CLSPN: variants seen among roughly 807,000 people sequenced by gnomAD.
The protein encoded by CLSPN is claspin homolog.
Under a neutral mutation model 156.3 loss-of-function variants are expected in CLSPN, and 85 were observed. The observed-to-expected ratio is 0.54, with a 90% confidence interval of 0.46 to 0.65. The LOEUF (loss-of-function observed/expected upper bound fraction) is 0.65. Among genes scored for constraint, CLSPN ranks in the 30% least tolerant of loss-of-function variants. The pLI is 0.00. For missense variants in CLSPN, 1,407 were observed against 1,554.9 expected (o/e 0.90, Z 1.60); for synonymous variants, 534 against 542.4 (o/e 0.98, Z 0.22).
Position 35,733,532 on chromosome 1 carries a change from T to G in CLSPN, c.*2964A>C. ...GTAGGGAAACAAGAGGGAAGAAATA[T>G]CTAGCCTTCCTGCTCAGTTCTCTTT... On this transcript the variant is annotated 3_prime_UTR_variant, in exon 25 of 25. Coordinates refer to ENST00000318121, the MANE Select transcript of CLSPN (RefSeq NM_022111.4). 2 of 985,366 alleles carry G rather than the reference T, an allele frequency of 2.0e-6. No individual in the cohort carries two copies. The highest frequency in any genetic ancestry group is 2.4e-6 in the Non-Finnish European group (2 of 829,902). The allele number at this position is 985,366 out of a possible 1,614,324, so 61.0% of individuals were successfully genotyped here. A position where few individuals can be genotyped will look rare whatever the true frequency, so the allele number is the denominator to read the frequency against.
intron 5 of CLSPN, 24 bp downstream of exon 5, chr1:35,762,380 C>G: frequency 6.4e-7 from 1 of 1,567,548 alleles, no homozygotes; most frequent in Non-Finnish European, 8.8e-7. Context: ...ATCAGTGTGA[C>G]TAATATACAG....
Position 35,748,544 on chromosome 1 carries a change from A to G in CLSPN, c.2333T>C (p.Leu778Pro), listed in dbSNP as rs368801026. 4 of 1,614,232 alleles carry G rather than the reference A, an allele frequency of 2.5e-6. No individual in the cohort carries two copies. The African/African-American group carries it at 4.0e-5, about 16-fold the overall frequency. Residue 778 changes from leucine to proline, a missense_variant, in exon 13 of 25, where the codon CTG (leucine) becomes CCG (proline). Physicochemically the swap from Leu to Pro is moderately conservative, Grantham distance 98. Transcript: ENST00000318121. The stretch of plus-strand genomic sequence containing the variant: ...ATAGGATGGAATCGTGGAGCCAATC[A>G]GCTCAAAGCTGCTATTGTGGCTGCT... The part of the protein sequence containing the change: ...KESSHNSSFE[L>P]IGSTIPSYQP...
chr1:35,723,819 C>T (rs1034150725), intron 24 of CLSPN, among the ~76,000 whole-genome samples: 1 of 152,062 alleles, frequency 6.6e-6, no homozygotes, highest in Non-Finnish European at 1.5e-5. Context: ...GGTGAAACCC[C>T]GTCTCTACTA....
Position 35,761,020 on chromosome 1 carries a change from C to A in CLSPN, c.1004+76G>T, listed in dbSNP as rs913972804. 7 of 1,423,926 alleles carry A rather than the reference C, an allele frequency of 4.9e-6. No homozygotes were observed. The African/African-American group carries it at 5.7e-5, about 12-fold the overall frequency. The allele number at this position is 1,423,926 out of a possible 1,614,324, so 88.2% of individuals were successfully genotyped here. A position where few individuals can be genotyped will look rare whatever the true frequency, so the allele number is the denominator to read the frequency against. ...AATCAGTTTTAAGGGAGTGAGAAAT[C>A]TGAACTTTTTATGCCAGATGTTTGC... On this transcript the variant is annotated intron_variant, in intron 7 of 24. Coordinates refer to ENST00000318121, the MANE Select transcript of CLSPN (RefSeq NM_022111.4).
At chr1:35,742,849 C>T (rs149540749) in intron 18 of CLSPN, among the ~76,000 whole-genome samples, 72 of 151,206 alleles carry the variant, frequency 4.8e-4, no homozygotes, top group African/African-American at 1.7e-3. Context: ...TGGGTGCAAG[C>T]GATTCTCCCT....
At chr1:35,739,059 A>T in intron 20 of CLSPN, 77 bp downstream of exon 20, 1 of 1,561,982 alleles carries the variant, frequency 6.4e-7, no homozygotes, top group South Asian at 1.1e-5. Context: ...TCTGCCTCCC[A>T]AAGTGTTGGG....
Position 35,739,194 on chromosome 1 carries a change from A to T in CLSPN, c.3372T>A (p.Asp1124Glu), listed in dbSNP as rs1376568631. 1.9e-6 allele frequency: 3 copies of T among 1,614,062 alleles called. No homozygotes were observed. The highest frequency in any genetic ancestry group is 2.5e-6 in the Non-Finnish European group (3 of 1,180,038). Residue 1124 changes from aspartate to glutamate, a missense_variant, in exon 20 of 25, where the codon GAT becomes GAA. Asp to Glu is a conservative substitution (Grantham distance 45, BLOSUM62 2). This residue lies in a region of CLSPN where 70 missense variants were observed against 121.5 expected (regional missense o/e 0.58). Transcript: ENST00000318121. Reference protein sequence around the residue: ...LRLYQERYLADGDLHSDGPGR... With the variant: ...LRLYQERYLAEGDLHSDGPGR... ...CAGGACCATCGCTGTGCAGATCCCC[A>T]TCAGCAAGGTACCTCTCTTGGTATA...
At chr1:35,739,955 G>A (rs960265837) in intron 18 of CLSPN, among the ~76,000 whole-genome samples, 1 of 152,180 alleles carries the variant, frequency 6.6e-6, no homozygotes, top group African/African-American at 2.4e-5. Context: ...TCATTTTACA[G>A]TTGAGGGAAT....
At chr1:35,741,184 C>T (rs145739966) in intron 18 of CLSPN, among the ~76,000 whole-genome samples, 1 of 151,976 alleles carries the variant, frequency 6.6e-6, no homozygotes, top group Non-Finnish European at 1.5e-5. Context: ...CAAAATTATA[C>T]ATATAGAAAG....
chr1:35,745,386 G>T, intron 16 of CLSPN, 65 bp downstream of exon 16: 3 of 1,081,480 alleles, frequency 2.8e-6, no homozygotes, highest in Non-Finnish European at 2.8e-6. Context: ...CCCTTAAGAT[G>T]ATCAGTTATT....
rs1051556429 is a variant in CLSPN at position 35,732,653 on chromosome 1, C to T, written c.*3843G>A. 2.0e-6 allele frequency: 2 copies of T among 985,426 alleles called. No individual in the cohort carries two copies. The highest frequency in any genetic ancestry group is 3.5e-5 in the African/African-American group (2 of 57,358). The allele number at this position is 985,426 out of a possible 1,614,324, so 61.0% of individuals were successfully genotyped here. A position where few individuals can be genotyped will look rare whatever the true frequency, so the allele number is the denominator to read the frequency against. On this transcript the variant is annotated 3_prime_UTR_variant, in exon 25 of 25. Transcript: ENST00000318121. The stretch of plus-strand genomic sequence containing the variant: ...CACTGAGCCTACCCTATCTCCCACA[C>T]TCATGGGCTCTCATCCCTCCAAATA...
rs1642548988 is a variant in CLSPN, at chr1:35,763,267, C to CT, written c.636dup (p.Asp213ArgfsTer4). The CT allele has an allele frequency of 6.2e-7, 1 of 1,607,362 alleles. No individual in the cohort carries two copies. ...TCCTCCAACCCAGTTTCAAAAAGGT[C>CT]TTTATCCACAAGAAGACAGCCACTG... On this transcript the variant is annotated frameshift_variant, in exon 4 of 25. Transcript: ENST00000318121. LOFTEE classifies it high-confidence loss of function.
intron 24 of CLSPN, among the ~76,000 whole-genome samples, chr1:35,724,022 T>C (rs1207835308): frequency 1.3e-5 from 2 of 152,152 alleles, no homozygotes; most frequent in Admixed American, 6.5e-5. Context: ...GAGTGGGCTA[T>C]AACAATGTAA....
Position 35,760,479 on chromosome 1 carries a change from G to C in CLSPN, c.1442C>G (p.Ser481Ter). ...CACTTTTTCAGGTGGCCCAACTGCT[G>C]ATGATTTATTTTGCTGCTCAGGCTC... is the stretch of plus-strand genomic sequence containing the variant. ...VEEPEQQNKS[S>*]AVGPPEKVRR... Residue 481 changes from serine to a stop codon, truncating the protein, a stop_gained, in exon 8 of 25, where the codon TCA becomes TGA. Transcript: ENST00000318121. LOFTEE classifies it high-confidence loss of function. 6.2e-7 allele frequency: 1 copy of C among 1,614,166 alleles called. No individual in the cohort carries two copies. Among genetic ancestry groups the C allele is most frequent in the South Asian group, 1.1e-5 (1 of 91,080 alleles).
Position 35,747,944 on chromosome 1 carries a change from C to G in CLSPN, c.2590G>C (p.Glu864Gln). 1 of 1,614,144 alleles carries G rather than the reference C, an allele frequency of 6.2e-7. No individual in the cohort carries two copies. Among genetic ancestry groups the G allele is most frequent in the Non-Finnish European group, 8.5e-7 (1 of 1,180,014 alleles). The change falls in exon 14 of 25, where the codon GAA becomes CAA. Residue 864 changes from glutamate (E) to glutamine (Q), a missense_variant. Physicochemically the swap from Glu to Gln is conservative, Grantham distance 29 (BLOSUM62 2). Around this residue, in one of 3 missense-constraint regions of CLSPN, gnomAD observed 1,096 missense variants for 1,193.0 expected, o/e 0.92. Coordinates refer to ENST00000318121, the MANE Select transcript of CLSPN (RefSeq NM_022111.4). Reference protein sequence around the residue: ...LGAGDFQFCLEDDTQSQLLDA... With the variant: ...LGAGDFQFCLQDDTQSQLLDA... ...AACAGTTGGCTCTGAGTGTCATCTTCTAAACAGAACTGGAAGTCTCCTGCT... is the reference window on the plus strand; with the variant it reads ...AACAGTTGGCTCTGAGTGTCATCTTGTAAACAGAACTGGAAGTCTCCTGCT...
rs774720997 is a variant in CLSPN at position 35,764,337 on chromosome 1, T to C, written c.511A>G (p.Arg171Gly). The C allele has an allele frequency of 1.9e-6, 3 of 1,603,486 alleles. No homozygotes were observed. Among genetic ancestry groups the C allele is most frequent in the Non-Finnish European group, 2.5e-6 (3 of 1,177,536 alleles). ...TTTCTCTCCTCTTTCTCAAGTCTTCTTTTTGATTTTACTTTTGCTTTTCCT... is the reference window on the plus strand; with the variant it reads ...TTTCTCTCCTCTTTCTCAAGTCTTCCTTTTGATTTTACTTTTGCTTTTCCT... The part of the protein sequence containing the change: ...TAGKAKVKSK[R>G]RLEKEERKME... Residue 171 changes from arginine to glycine, a missense_variant, in exon 3 of 25, where the codon AGA becomes GGA. This residue lies in a region of CLSPN where 1,096 missense variants were observed against 1,193.0 expected (regional missense o/e 0.92). Coordinates refer to ENST00000318121, the MANE Select transcript of CLSPN (RefSeq NM_022111.4).
chr1:35,763,405 C>G (rs1410855483), intron 3 of CLSPN, 84 bp from the exon 4 acceptor site: 22 of 976,746 alleles, frequency 2.3e-5, no homozygotes, highest in Non-Finnish European at 3.0e-5. Context: ...TTGGATCAGG[C>G]CAGAAAAAGC....
rs779091262 is a variant in CLSPN at position 35,743,190 on chromosome 1, C to A, written c.3094G>T (p.Asp1032Tyr). The change falls in exon 18 of 25, where the codon GAT becomes TAT. Residue 1032 changes from aspartate to tyrosine, a missense_variant. By Grantham distance (160) the Asp-to-Tyr change is radical. Around this residue, in one of 3 missense-constraint regions of CLSPN, gnomAD observed 1,096 missense variants for 1,193.0 expected, o/e 0.92. Coordinates refer to ENST00000318121, the MANE Select transcript of CLSPN (RefSeq NM_022111.4). ...CGCTTCAGGAGTTCTTCTTCATCAT[C>A]ATCTTCATGGTCTTCCAGTGCCAGA... ...NDLALEDHEDDDEEELLKRSE... is the reference protein window; with the variant it reads ...NDLALEDHEDYDEEELLKRSE... 3 of 1,614,178 alleles carry A rather than the reference C, an allele frequency of 1.9e-6. No homozygotes were observed. Among genetic ancestry groups the A allele is most frequent in the Non-Finnish European group, 2.5e-6 (3 of 1,180,020 alleles).
chr1:35,761,994 T>C lies in CLSPN; in HGVS notation c.895+4A>G, dbSNP rs749845854. On this transcript the variant is annotated splice_donor_region_variant and intron_variant, in intron 6 of 24. Transcript: ENST00000318121. ...TTGCCTCAAAGTTTACTGGGTTGCA[T>C]TACCTCGAATAAGGCGCTGAGTCTC... The C allele has an allele frequency of 1.2e-6, 2 of 1,607,602 alleles. No individual in the cohort carries two copies. The highest frequency in any genetic ancestry group is 2.2e-5 in the South Asian group (2 of 90,322).
Sources: gnomAD v4.1 joint callset for allele counts (sites outside exome capture counted in the v4.1 genomes callset) on GRCh38, gnomAD v4.1.1 for gene constraint, gnomAD v4.1.1 regional missense constraint, MANE v1.5 for transcripts, NCBI Gene and HGNC (gene_info 2026-07-23, HGNC 2026-07-21) for gene names.